Variants in LZTR1 observed in about 807,000 individuals in gnomAD.
LZTR1 encodes leucine-zipper-like transcriptional regulator 1.
A neutral mutation model predicts 105.7 loss-of-function variants in LZTR1; 260 were observed. That is an observed-to-expected ratio of 2.46 (90% CI 2.22 to 2.72). LZTR1 has a LOEUF of 2.72. Among genes scored for constraint, LZTR1 ranks in the 30% most tolerant of loss-of-function variants. The probability of loss-of-function intolerance (pLI) is 0.00; values close to 1 mark genes in which losing one functional copy is unlikely to be tolerated. For synonymous variants in LZTR1, 490 were observed against 476.4 expected, an observed-to-expected ratio of 1.03 and a Z score of -0.37; for missense variants, 1,214 against 1,166.9, an observed-to-expected ratio of 1.04 and a Z score of -0.59.
intron 8 of LZTR1, chr22:20,991,028 G>A (rs927281658): frequency 1.2e-5 from 2 of 163,176 alleles, no homozygotes; most frequent in Non-Finnish European, 2.7e-5. Context: ...GTGCGTGGGA[G>A]GAAGGGCAGG....
In LZTR1 at chr22:20,988,837, G is replaced by C; in HGVS notation, c.558G>C (p.Lys186Asn). Residue 186 changes from lysine to asparagine, a missense_variant, in exon 6 of 21, where the codon AAG (lysine) becomes AAC (asparagine). Coordinates refer to ENST00000646124, the MANE Select transcript of LZTR1 (RefSeq NM_006767.4). ...SAHGATVYSDKLWIFAGYDGN... is the reference protein window; with the variant it reads ...SAHGATVYSDNLWIFAGYDGN... ...ATGGGGCCACGGTGTACAGTGACAA[G>C]CTGTGGATCTTTGCTGGCTATGACG... The C allele has an allele frequency of 6.2e-7, 1 of 1,614,156 alleles. No individual in the cohort carries two copies. The highest frequency in any genetic ancestry group is 8.5e-7 in the Non-Finnish European group (1 of 1,180,028).
intron 10 of LZTR1, chr22:20,992,589 T>C: frequency 1.6e-6 from 1 of 640,124 alleles, no homozygotes. Flanking sequence ...ACTCTGAGGG[T>C]CTCCATGGCC....
At chr22:20,990,329 G>A in intron 7 of LZTR1, 57 bp from the exon 8 acceptor site, 1 of 1,602,670 alleles carries the variant, frequency 6.2e-7, no homozygotes, top group Non-Finnish European at 8.5e-7. Context: ...TCTCGAGTGT[G>A]GTGAAATGTG....
At chr22:20,987,735 C>T (rs759248253) in intron 4 of LZTR1, 152 bp downstream of exon 4, 15 of 753,428 alleles carry the variant, frequency 2.0e-5, no homozygotes, top group South Asian at 4.9e-5. Flanking sequence ...CGGAATTCTG[C>T]GCTGGATCTG....
At chr22:20,986,119 CAG>C in intron 3 of LZTR1, 1 of 586,784 alleles carries the variant, frequency 1.7e-6, no homozygotes, top group Non-Finnish European at 3.0e-6. Context: ...GCTGGGCACA[CAG>C]GGCGGCACCC....
intron 11 of LZTR1, 45 bp downstream of exon 11, chr22:20,992,949 C>T: frequency 7.5e-7 from 1 of 1,336,398 alleles, no homozygotes; most frequent in Non-Finnish European, 1.0e-6. Flanking sequence ...TGGACGGATC[C>T]CCCGTGATGA....
intron 16 of LZTR1, 112 bp from the exon 17 acceptor site, chr22:20,995,634 G>A: frequency 7.4e-7 from 1 of 1,344,384 alleles, no homozygotes; most frequent in Non-Finnish European, 1.0e-6. Context: ...TTCTGCCTGG[G>A]TGAAGTTTTG....
In LZTR1 at chr22:20,993,892, T is replaced by C. The variant is rs761204226; in HGVS notation, c.1354-32T>C. The C allele has an allele frequency of 8.1e-6, 13 of 1,596,436 alleles. No individual in the cohort carries two copies. In the South Asian group the frequency reaches 1.4e-4, roughly 18 times the overall value. ...TCTGTTCTCTGGGGCGAGGGTCCTG[T>C]GCCCTCTGCCAGTGCATCATTCTTT... On this transcript the variant is annotated intron_variant, in intron 12 of 20. Transcript: ENST00000646124.
rs767147600 is a variant in LZTR1 at position 20,995,403 on chromosome 22, G to T, written c.1943-343G>T. 3.1e-5 allele frequency: 19 copies of T among 613,610 alleles called. 1 individual carries two copies. The highest frequency in any genetic ancestry group is 2.6e-4 in the South Asian group (17 of 65,908). 38.0% of individuals were successfully genotyped at this position (613,610 alleles called of 1,614,324 possible). On this transcript the variant is annotated intron_variant, in intron 16 of 20. Coordinates refer to ENST00000646124, the MANE Select transcript of LZTR1 (RefSeq NM_006767.4). The stretch of plus-strand genomic sequence containing the variant: ...TCCCCCAGCTCTCCCTGGGGCTTGT[G>T]CTGACCCCGGTTGCTGGCTCTTGGT...
intron 3 of LZTR1, 124 bp downstream of exon 3, chr22:20,986,021 G>C: frequency 9.8e-7 from 1 of 1,015,752 alleles, no homozygotes; most frequent in Non-Finnish European, 1.5e-6. Context: ...TCCAGGAGGA[G>C]ATAACCACGG....
rs568933568 is a variant in LZTR1 at position 20,994,425 on chromosome 22, G to A, written c.1616-133G>A. 2.2e-4 allele frequency: 274 copies of A among 1,238,792 alleles called. 1 individual carries two copies. The highest frequency in any genetic ancestry group is 1.9e-3 in the Middle Eastern group (7 of 3,778). The allele number at this position is 1,238,792 out of a possible 1,614,324, so 76.7% of individuals were successfully genotyped here. The stretch of plus-strand genomic sequence containing the variant: ...TTACCCATGATCACTGCAGCTGGAC[G>A]CCATCTGAGTCCCCCGAGGCCTTGT... On this transcript the variant is annotated intron_variant, in intron 14 of 20. Coordinates refer to ENST00000646124, the MANE Select transcript of LZTR1 (RefSeq NM_006767.4).
At chr22:20,987,452 G>T in intron 3 of LZTR1, 52 bp from the exon 4 acceptor site, 1 of 1,023,588 alleles carries the variant, frequency 9.8e-7, no homozygotes, top group South Asian at 1.3e-5. Context: ...GTGGGGGTGT[G>T]GACCTCATGG....
At position 20,993,994 on chromosome 22, in the gene LZTR1, C is replaced by T. The variant is rs376046310; in HGVS notation, c.1424C>T (p.Thr475Met). Residue 475 changes from threonine (T) to methionine (M), a missense_variant, in exon 13 of 21, where the codon ACG (threonine) becomes ATG (methionine). Coordinates refer to ENST00000646124, the MANE Select transcript of LZTR1 (RefSeq NM_006767.4). ...AGCCGCTGGCTTCGCAGGAAGATCA[C>T]GCAGGCGCGGGAGAGGCTGGCCCAG... ...ARSRWLRRKI[T>M]QARERLAQKL... 3.0e-5 allele frequency: 48 copies of T among 1,611,310 alleles called. No homozygotes were observed. The highest frequency in any genetic ancestry group is 9.3e-5 in the African/African-American group (7 of 74,950).
At chr22:20,993,279 C>T (rs1333485949) in intron 11 of LZTR1, 4 of 430,674 alleles carry the variant, frequency 9.3e-6, no homozygotes, top group African/African-American at 5.9e-5. Flanking sequence ...AGGGCAGGGA[C>T]TCACAGCCAC....
At chr22:20,991,915 G>A in intron 9 of LZTR1, 86 bp downstream of exon 9, 1 of 1,300,264 alleles carries the variant, frequency 7.7e-7, no homozygotes, top group South Asian at 1.4e-5. Flanking sequence ...ACAGCTTTGG[G>A]GCCCCCTGGG....
rs774176509 is a variant in LZTR1 at position 20,996,815 on chromosome 22, C to T, written c.2325+14C>T. The T allele has an allele frequency of 6.2e-7, 1 of 1,613,238 alleles. No individual in the cohort carries two copies. The highest frequency in any genetic ancestry group is 8.5e-7 in the Non-Finnish European group (1 of 1,179,618). The stretch of plus-strand genomic sequence containing the variant: ...AACGTGCTGCAGGTAGCCCCCCAGC[C>T]CCGTGCACATGGCTGCAGCTCCCAC... On this transcript the variant is annotated intron_variant, in intron 19 of 20. Coordinates refer to ENST00000646124, the MANE Select transcript of LZTR1 (RefSeq NM_006767.4).
intron 8 of LZTR1, 86 bp from the exon 9 acceptor site, chr22:20,991,542 C>T: frequency 1.8e-6 from 2 of 1,084,778 alleles, no homozygotes; most frequent in Middle Eastern, 3.1e-4. Context: ...GCAGGGGGAC[C>T]TCCCAGTGAA....
Position 20,990,372 on chromosome 22 carries a change from C to T in LZTR1, c.652-14C>T, listed in dbSNP as rs747585468. Reference sequence around the variant, plus strand: ...CCTGTGAGGCCGGGGCTGAGCTGTCCTCTCCCCCTGCAGGTGGCCCAGAGT... The same window carrying T: ...CCTGTGAGGCCGGGGCTGAGCTGTCTTCTCCCCCTGCAGGTGGCCCAGAGT... On this transcript the variant is annotated splice_polypyrimidine_tract_variant and intron_variant, in intron 7 of 20. Coordinates refer to ENST00000646124, the MANE Select transcript of LZTR1 (RefSeq NM_006767.4). The T allele has an allele frequency of 1.2e-6, 2 of 1,614,014 alleles. No homozygotes were observed. Among genetic ancestry groups the T allele is most frequent in the Non-Finnish European group, 1.7e-6 (2 of 1,180,002 alleles).
At position 20,991,708 on chromosome 22, in the gene LZTR1, C is replaced by G. The variant is rs1267787064; in HGVS notation, c.872C>G (p.Ala291Gly). The change falls in exon 9 of 21, where the codon GCC (alanine) becomes GGC (glycine). Residue 291 changes from alanine (A) to glycine (G), a missense_variant. Physicochemically the swap from Ala to Gly is moderately conservative, Grantham distance 60. Transcript: ENST00000646124. ...CGGCGCTACGGGCATACCATGGTGG[C>G]CTTTGACCGCCACCTCTATGTGTTT... is the stretch of plus-strand genomic sequence containing the variant. ...PQRRYGHTMVAFDRHLYVFGG... is the reference protein window; with the variant it reads ...PQRRYGHTMVGFDRHLYVFGG... The G allele has an allele frequency of 6.3e-7, 1 of 1,593,030 alleles. No homozygotes were observed. Among genetic ancestry groups the G allele is most frequent in the South Asian group, 1.1e-5 (1 of 87,862 alleles).
Sources: allele counts gnomAD v4.1 joint callset, GRCh38; gene constraint gnomAD v4.1.1; transcripts MANE v1.5; gene names NCBI Gene and HGNC (gene_info 2026-07-23, HGNC 2026-07-21).